PFKFB1: variants seen among roughly 807,000 people sequenced by gnomAD.
PFKFB1 encodes the protein 6-phosphofructo-2-kinase/fructose-2,6-bisphosphatase 1.
Under a neutral mutation model 46.4 loss-of-function variants are expected in PFKFB1, and 34 were observed. The observed-to-expected ratio is 0.73, with a 90% CI of 0.56 to 0.98. The LOEUF (loss-of-function observed/expected upper bound fraction) is 0.98. PFKFB1 is among the 50% of genes least tolerant of loss of function. The probability of loss-of-function intolerance (pLI) is 0.00; values close to 1 mark genes in which losing one functional copy is unlikely to be tolerated. For missense variants in PFKFB1, 393 were observed against 376.3 expected (o/e 1.04, Z -0.37); for synonymous variants, 119 against 133.8 (o/e 0.89, Z 0.76).
At chrX:54,998,742 C>T (rs908267571), upstream of PFKFB1, among the ~76,000 whole-genome samples, 5 of 112,647 alleles carry the variant, frequency 4.4e-5, 1 homozygote, top group African/African-American at 1.3e-4. Context: ...TGGAGACAGG[C>T]AAGTTCTGGA....
chrX:54,956,355 T>G, intron 6 of PFKFB1, 81 bp from the exon 7 acceptor site: 2 of 1,089,337 alleles, frequency 1.8e-6, no homozygotes, highest in South Asian at 2.0e-5. Flanking sequence ...TAGAGACCAT[T>G]GAGTACAAGA....
chrX:54,959,896 G>A lies in PFKFB1; in HGVS notation c.318-3C>T. The A allele has an allele frequency of 8.4e-7, 1 of 1,185,590 alleles. No homozygotes were observed. The highest frequency in any genetic ancestry group is 1.1e-6 in the Non-Finnish European group (1 of 873,231). On this transcript the variant is annotated splice_polypyrimidine_tract_variant and splice_region_variant and intron_variant, in intron 3 of 13. Transcript: ENST00000375006. Reference sequence around the variant, plus strand: ...TCAGGGCTGCCAGGGCGCACTGCCTGAAATAGACCAGGAAAGAAAAAGAGG... The same window carrying A: ...TCAGGGCTGCCAGGGCGCACTGCCTAAAATAGACCAGGAAAGAAAAAGAGG...
intron 10 of PFKFB1, among the ~76,000 whole-genome samples, chrX:54,940,614 C>A (rs186567375): frequency 1.2e-3 from 138 of 111,630 alleles, no homozygotes; most frequent in Non-Finnish European, 2.2e-3. Flanking sequence ...AACAGAGAGC[C>A]AAATCCTGAG....
chrX:54,958,203 T>C (rs1463172432), intron 6 of PFKFB1, 103 bp downstream of exon 6: 1 of 476,888 alleles, frequency 2.1e-6, no homozygotes, highest in Non-Finnish European at 3.7e-6. Flanking sequence ...AGGAATACTT[T>C]CTTTAATCTC....
intron 5 of PFKFB1, 62 bp downstream of exon 5, chrX:54,958,789 C>G (rs1027355674): frequency 2.5e-6 from 2 of 789,287 alleles, no homozygotes; most frequent in African/African-American, 4.1e-5. Flanking sequence ...CCCTGGTTTG[C>G]CTTTCTTTGG....
chrX:54,941,627 A>C (rs1933637926), intron 10 of PFKFB1, among the ~76,000 whole-genome samples: 1 of 112,497 alleles, frequency 8.9e-6, no homozygotes, highest in African/African-American at 3.2e-5. Context: ...ATGCAGCCAA[A>C]AGACACATGA....
At chrX:54,968,918 T>C (rs1383586499) in intron 1 of PFKFB1, among the ~76,000 whole-genome samples, 1 of 110,800 alleles carries the variant, frequency 9.0e-6, no homozygotes, top group African/African-American at 3.3e-5. Flanking sequence ...AAATAAGTGA[T>C]ACAAAAAAAG....
chrX:54,942,439 G>C (rs1324572313), intron 10 of PFKFB1, among the ~76,000 whole-genome samples: 1 of 111,656 alleles, frequency 9.0e-6, no homozygotes, highest in Non-Finnish European at 1.9e-5. Flanking sequence ...CCCTCAGGTG[G>C]GCTGGTGATT....
intron 1 of PFKFB1, among the ~76,000 whole-genome samples, chrX:54,983,367 T>C (rs1257403688): frequency 9.0e-6 from 1 of 111,195 alleles, no homozygotes; most frequent in African/African-American, 3.3e-5. Context: ...GTTGTTCCCC[T>C]CTATGTCCAT....
intron 10 of PFKFB1, among the ~76,000 whole-genome samples, chrX:54,939,201 C>A (rs1018526105): frequency 5.7e-4 from 64 of 111,322 alleles, no homozygotes; most frequent in Non-Finnish European, 1.1e-3. Flanking sequence ...CCAACGAGAA[C>A]AAAGACACAA....
chrX:54,937,433 G>A (rs1370985435), intron 11 of PFKFB1, among the ~76,000 whole-genome samples, 162 bp downstream of exon 11: 1 of 112,224 alleles, frequency 8.9e-6, no homozygotes, highest in Non-Finnish European at 1.9e-5. Context: ...AAAGAAATTT[G>A]TGAAAGGCAG....
chrX:54,988,541 G>A (rs1935162846), intron 1 of PFKFB1, among the ~76,000 whole-genome samples: 1 of 111,479 alleles, frequency 9.0e-6, no homozygotes, highest in Non-Finnish European at 1.9e-5. Flanking sequence ...AAAACAATCT[G>A]AAAAAGACCA....
chrX:54,951,820 G>A, intron 8 of PFKFB1, 85 bp downstream of exon 8: 1 of 771,180 alleles, frequency 1.3e-6, no homozygotes, highest in South Asian at 2.4e-5. Context: ...TTCCACCTCA[G>A]GACCCAGAAT....
chrX:54,985,613 T>C, intron 1 of PFKFB1, among the ~76,000 whole-genome samples: 1 of 110,734 alleles, frequency 9.0e-6, no homozygotes, highest in East Asian at 2.8e-4. Context: ...CAAATGAAAA[T>C]AATAGAAAAT....
chrX:54,990,126 A>G (rs1336619889), intron 1 of PFKFB1, among the ~76,000 whole-genome samples: 2 of 111,485 alleles, frequency 1.8e-5, no homozygotes, highest in Non-Finnish European at 3.8e-5. Flanking sequence ...GAGTTAAAAA[A>G]GAACAACAGA....
intron 9 of PFKFB1, among the ~76,000 whole-genome samples, 158 bp from the exon 10 acceptor site, chrX:54,945,701 C>A (rs898911009): frequency 2.0e-5 from 2 of 101,751 alleles, no homozygotes; most frequent in African/African-American, 7.3e-5. Flanking sequence ...AGTGTGTATG[C>A]GTGTGTGTGT....
chrX:54,949,357 C>G (rs1222027712), intron 8 of PFKFB1, 136 bp from the exon 9 acceptor site: 3 of 415,850 alleles, frequency 7.2e-6, no homozygotes, highest in Non-Finnish European at 1.2e-5. Context: ...TTTAAATGTT[C>G]CAAACTTATA....
At chrX:54,940,501 T>A (rs1185649466) in intron 10 of PFKFB1, among the ~76,000 whole-genome samples, 1 of 111,921 alleles carries the variant, frequency 8.9e-6, no homozygotes, top group Non-Finnish European at 1.9e-5. Flanking sequence ...CCCCATCGTC[T>A]CAGCGCAAAA....
chrX:54,976,951 G>A (rs181721227), intron 1 of PFKFB1, among the ~76,000 whole-genome samples: 1 of 110,791 alleles, frequency 9.0e-6, no homozygotes, highest in African/African-American at 3.3e-5. Context: ...TAGGAACAGA[G>A]AACTGCTCAG....
Sources: gnomAD v4.1 joint callset for allele counts (sites outside exome capture counted in the v4.1 genomes callset) on GRCh38, gnomAD v4.1.1 for gene constraint, MANE v1.5 for transcripts, NCBI Gene and HGNC (gene_info 2026-07-23, HGNC 2026-07-21) for gene names.